The following DNAH6 variants were observed in gnomAD, a reference collection of about 807,000 sequenced individuals.
DNAH6 encodes dynein axonemal heavy chain 6.
Under a neutral mutation model 491.4 loss-of-function variants are expected in DNAH6, and 340 were observed. That is an observed-to-expected ratio of 0.69 (90% confidence interval 0.63 to 0.76). DNAH6 has a LOEUF of 0.76. DNAH6 is among the 30% of genes least tolerant of loss of function. The probability of loss-of-function intolerance (pLI) is 0.00; values close to 1 mark genes in which losing one functional copy is unlikely to be tolerated. For synonymous variants in DNAH6, 1,603 were observed against 1,686.1 expected (o/e 0.95, Z 1.21); for missense variants, 4,443 against 4,972.2 (o/e 0.89, Z 3.20).
chr2:84,682,157 T>G (rs1693845704), intron 42 of DNAH6, among the ~76,000 whole-genome samples: 1 of 152,230 alleles, frequency 6.6e-6, no homozygotes, highest in Non-Finnish European at 1.5e-5. Flanking sequence ...AAAGTTGTGA[T>G]ACCCAACACT....
At chr2:84,682,275 G>A (rs1354364525) in intron 42 of DNAH6, among the ~76,000 whole-genome samples, 5 of 152,246 alleles carry the variant, frequency 3.3e-5, no homozygotes, top group South Asian at 4.1e-4. Flanking sequence ...TCCCCTCCCC[G>A]CCTTCTCCAG....
In DNAH6 at chr2:84,718,314, G is replaced by C. The variant is rs1697747462; in HGVS notation, c.9722G>C (p.Arg3241Thr). 1 of 1,551,410 alleles carries C rather than the reference G, an allele frequency of 6.4e-7. No individual in the cohort carries two copies. The highest frequency in any genetic ancestry group is 8.7e-7 in the Non-Finnish European group (1 of 1,146,866). Residue 3241 changes from arginine to threonine, a missense_variant, in exon 59 of 77, where the codon AGA (arginine) becomes ACA (threonine). By Grantham distance (71) the Arg-to-Thr change is moderately conservative. Coordinates refer to ENST00000389394, the MANE Select transcript of DNAH6 (RefSeq NM_001370.2). ...QLKTIEEKIL[R>T]MLFTSEGNIL... Reference sequence around the variant, plus strand: ...AAAACTATCGAAGAGAAAATCCTGAGAATGCTCTTTACCTCTGAAGGAAAT... The same window carrying C: ...AAAACTATCGAAGAGAAAATCCTGACAATGCTCTTTACCTCTGAAGGAAAT...
At chr2:84,657,275 A>G (rs1003737736) in intron 35 of DNAH6, among the ~76,000 whole-genome samples, 16 of 151,728 alleles carry the variant, frequency 1.1e-4, no homozygotes, top group Admixed American at 5.3e-4. Flanking sequence ...CAGTTTTTCA[A>G]CTTTGTTCTT....
intron 4 of DNAH6, among the ~76,000 whole-genome samples, chr2:84,542,756 C>T (rs930721015): frequency 6.6e-6 from 1 of 152,114 alleles, no homozygotes; most frequent in African/African-American, 2.4e-5. Flanking sequence ...TTTTAACAGA[C>T]CCAAAACATA....
chr2:84,669,323 T>C lies in DNAH6; in HGVS notation c.6119T>C (p.Met2040Thr). 6 of 1,550,190 alleles carry C rather than the reference T, an allele frequency of 3.9e-6. No homozygotes were observed. The highest frequency in any genetic ancestry group is 2.4e-5 in the East Asian group (1 of 40,916). ...TCTGGTGATCTGTGGAGCATTCATA[T>C]GGACTTTGACACCAAACGGCTGGAT... ...PNSGDLWSIH[M>T]DFDTKRLDPW... The change falls in exon 38 of 77, where the codon ATG becomes ACG. Residue 2040 changes from methionine (M) to threonine (T), a missense_variant. Physicochemically the swap from Met to Thr is moderately conservative, Grantham distance 81. Transcript: ENST00000389394.
rs549676755 is a variant in DNAH6 at position 84,717,056 on chromosome 2, T to G, written c.9612-1148T>G. Among the ~76,000 whole-genome samples the G allele has an allele frequency of 1.2e-3, 189 of 152,318 alleles. 2 individuals carry two copies. The South Asian group carries it at 0.018, about 15-fold the overall frequency. On this transcript the variant is annotated intron_variant, in intron 58 of 76. Transcript: ENST00000389394. Reference sequence around the variant, plus strand: ...GCCTCCTGGAAAATGCCAACCACAATGCCTTAGTCCTTCTGGGGCAGCACA... The same window carrying G: ...GCCTCCTGGAAAATGCCAACCACAAGGCCTTAGTCCTTCTGGGGCAGCACA...
chr2:84,638,643 G>A (rs1308712804), intron 31 of DNAH6, among the ~76,000 whole-genome samples: 6 of 152,160 alleles, frequency 3.9e-5, no homozygotes, highest in Non-Finnish European at 8.8e-5. Context: ...AGTAGACTGT[G>A]CCAAATCCTA....
At chr2:84,562,557 C>T (rs1426762275) in intron 11 of DNAH6, among the ~76,000 whole-genome samples, 2 of 152,172 alleles carry the variant, frequency 1.3e-5, no homozygotes, top group Non-Finnish European at 2.9e-5. Flanking sequence ...ATGCCAGATG[C>T]TATGATTTGC....
rs1193377415 is a variant in DNAH6, at chr2:84,619,585, G to A, written c.3573-100G>A. 1.0e-5 allele frequency: 11 copies of A among 1,051,196 alleles called. No homozygotes were observed. The Admixed American group carries it at 1.6e-4, about 15-fold the overall frequency. 65.1% of individuals were successfully genotyped at this position (1,051,196 alleles called of 1,614,324 possible). ...GTATAATTGGAGGTCCAGGAAATTG[G>A]TGGACAGGGAAGAGATGTGGCTAAG... On this transcript the variant is annotated intron_variant, in intron 23 of 76. Coordinates refer to ENST00000389394, the MANE Select transcript of DNAH6 (RefSeq NM_001370.2).
At chr2:84,804,799 A>G (rs1679260150) in intron 70 of DNAH6, among the ~76,000 whole-genome samples, 1 of 152,102 alleles carries the variant, frequency 6.6e-6, no homozygotes, top group African/African-American at 2.4e-5. Context: ...GGCATTAAGT[A>G]CATTTATTTA....
intron 4 of DNAH6, among the ~76,000 whole-genome samples, chr2:84,538,543 GT>G (rs1445021984): frequency 6.6e-6 from 1 of 152,112 alleles, no homozygotes; most frequent in African/African-American, 2.4e-5. Flanking sequence ...AGGACACCAT[GT>G]CTCCTATACC....
chr2:84,676,171 A>T (rs954158352), intron 40 of DNAH6, among the ~76,000 whole-genome samples: 1 of 152,210 alleles, frequency 6.6e-6, no homozygotes, highest in Non-Finnish European at 1.5e-5. Flanking sequence ...GCAGACATGT[A>T]TGGAGTGGCA....
chr2:84,529,239 T>G, intron 4 of DNAH6, 73 bp downstream of exon 4: 1 of 1,104,044 alleles, frequency 9.1e-7, no homozygotes, highest in Non-Finnish European at 1.3e-6. Context: ...TATAATTGAT[T>G]GGATATTAAT....
At chr2:84,485,458 G>C in the DNAH6 span, among the ~76,000 whole-genome samples, 11 of 152,112 alleles carry the variant, frequency 7.2e-5, no homozygotes, top group African/African-American at 1.2e-4. Flanking sequence ...AGACCTTATG[G>C]GGACAGTAAA....
rs1453131354 is a variant in DNAH6, at chr2:84,704,378, A to C, written c.8465+76A>C. On this transcript the variant is annotated intron_variant, in intron 51 of 76. Coordinates refer to ENST00000389394, the MANE Select transcript of DNAH6 (RefSeq NM_001370.2). The stretch of plus-strand genomic sequence containing the variant: ...ACTGTTTTCCTCCATGGTAATGTAT[A>C]TATTCATTCCCTTCTCCACCTTCTC... 5 of 1,091,844 alleles carry C rather than the reference A, an allele frequency of 4.6e-6. No individual in the cohort carries two copies. In the East Asian group the frequency reaches 1.3e-4, roughly 28 times the overall value. The allele number at this position is 1,091,844 out of a possible 1,614,324, so 67.6% of individuals were successfully genotyped here. A position where few individuals can be genotyped will look rare whatever the true frequency, so the allele number is the denominator to read the frequency against.
At chr2:84,562,695 G>A (rs759550816) in intron 11 of DNAH6, among the ~76,000 whole-genome samples, 3 of 152,224 alleles carry the variant, frequency 2.0e-5, no homozygotes, top group Non-Finnish European at 4.4e-5. Flanking sequence ...ACCAGGCACA[G>A]CTTCCAAGAG....
At chr2:84,573,660 T>C in intron 12 of DNAH6, 73 bp downstream of exon 12, 1 of 1,365,858 alleles carries the variant, frequency 7.3e-7, no homozygotes, top group Non-Finnish European at 9.7e-7. Context: ...AGGATTCTGT[T>C]TGGTGGTGTC....
At chr2:84,806,476 G>T (rs181649546) in intron 71 of DNAH6, among the ~76,000 whole-genome samples, 1 of 151,918 alleles carries the variant, frequency 6.6e-6, no homozygotes, top group African/African-American at 2.4e-5. Context: ...AAAATTAGCC[G>T]GGCGTGGTGG....
chr2:84,464,531 A>G, the DNAH6 span, among the ~76,000 whole-genome samples: 1 of 152,210 alleles, frequency 6.6e-6, no homozygotes, highest in Non-Finnish European at 1.5e-5. Flanking sequence ...TAAAGGAATA[A>G]AAGAATGGCT....
Sources: gnomAD v4.1 joint callset for allele counts (sites outside exome capture counted in the v4.1 genomes callset) on GRCh38, gnomAD v4.1.1 for gene constraint, MANE v1.5 for transcripts, NCBI Gene and HGNC (gene_info 2026-07-23, HGNC 2026-07-21) for gene names.